The following PRKN variants were observed in gnomAD, a reference collection of about 807,000 sequenced individuals.
PRKN encodes parkin RBR E3 ubiquitin protein ligase, also known as E3 ubiquitin-protein ligase parkin.
A neutral mutation model predicts 59.5 loss-of-function variants in PRKN; 56 were observed. The ratio of observed to expected loss-of-function variants is 0.94; its 90% CI spans 0.76 to 1.18. The LOEUF (loss-of-function observed/expected upper bound fraction) is 1.18, where lower values mean the gene tolerates loss of function less well. Ranked by LOEUF, PRKN falls within the 50% of genes most tolerant of loss-of-function variation. The pLI, the probability that PRKN is intolerant of heterozygous loss-of-function variation, is 0.00. For missense variants in PRKN, 657 were observed against 596.4 expected (o/e 1.10, Z -1.06); for synonymous variants, 250 against 222.1 (o/e 1.13, Z -1.12).
At chr6:162,226,097 T>TAAAA (rs57963776) in intron 3 of PRKN, among the ~76,000 whole-genome samples, 1 of 60,646 alleles carries the variant, frequency 1.6e-5, no homozygotes, top group Admixed American at 1.5e-4. Context: ...ATAATAATAA[T>TAAAA]AAAATTAGAT....
intron 9 of PRKN, among the ~76,000 whole-genome samples, chr6:161,511,171 T>A (rs1654001345): frequency 6.6e-6 from 1 of 152,192 alleles, no homozygotes; most frequent in Admixed American, 6.5e-5. Flanking sequence ...TGGAGATTTT[T>A]AAAAATAGAC....
chr6:162,293,183 T>G (rs1781519209), intron 2 of PRKN, among the ~76,000 whole-genome samples: 1 of 152,082 alleles, frequency 6.6e-6, no homozygotes, highest in South Asian at 2.1e-4. Flanking sequence ...TAGAGGCCAA[T>G]AAGACAGAAG....
At chr6:162,314,191 CA>C (rs1782651963) in intron 2 of PRKN, among the ~76,000 whole-genome samples, 1 of 152,076 alleles carries the variant, frequency 6.6e-6, no homozygotes, top group Non-Finnish European at 1.5e-5. Flanking sequence ...TTAGTAATCC[CA>C]TGTTCTGGGT....
At chr6:161,814,664 A>G (rs1184163798) in intron 6 of PRKN, among the ~76,000 whole-genome samples, 4 of 152,084 alleles carry the variant, frequency 2.6e-5, no homozygotes, top group South Asian at 2.1e-4. Context: ...CACCACGCCC[A>G]GCTAATTTTG....
At chr6:161,811,852 G>A (rs1187604936) in intron 6 of PRKN, among the ~76,000 whole-genome samples, 1 of 151,876 alleles carries the variant, frequency 6.6e-6, no homozygotes, top group African/African-American at 2.4e-5. Flanking sequence ...AACCTGGGAG[G>A]TGGAGGTTGC....
At chr6:162,571,893 C>T (rs1218832497) in intron 1 of PRKN, among the ~76,000 whole-genome samples, 1 of 152,032 alleles carries the variant, frequency 6.6e-6, no homozygotes, top group East Asian at 1.9e-4. Context: ...GACTCATTGC[C>T]CTGTCATGTT....
chr6:161,877,452 C>T (rs1333677288), intron 6 of PRKN, among the ~76,000 whole-genome samples: 1 of 149,512 alleles, frequency 6.7e-6, no homozygotes, highest in East Asian at 1.9e-4. Context: ...AATATGGAAA[C>T]ATATTTGCAT....
intron 4 of PRKN, among the ~76,000 whole-genome samples, chr6:162,068,230 T>C (rs952846907): frequency 1.3e-5 from 2 of 151,178 alleles, no homozygotes; most frequent in African/African-American, 4.9e-5. Context: ...CTGAGTTTTG[T>C]AGGTGTTTTT....
At chr6:162,507,825 C>G (rs1170551942) in intron 1 of PRKN, among the ~76,000 whole-genome samples, 3 of 152,272 alleles carry the variant, frequency 2.0e-5, no homozygotes, top group East Asian at 3.9e-4. Context: ...CTGCACAGAT[C>G]CGACATGCTG....
chr6:161,425,012 A>G (rs1788266552), intron 9 of PRKN, among the ~76,000 whole-genome samples: 2 of 152,180 alleles, frequency 1.3e-5, no homozygotes, highest in African/African-American at 4.8e-5. Flanking sequence ...GCCCACATTA[A>G]GTAAGTGATG....
chr6:162,471,583 T>C (rs1277167693), intron 1 of PRKN, among the ~76,000 whole-genome samples: 1 of 152,202 alleles, frequency 6.6e-6, no homozygotes, highest in East Asian at 1.9e-4. Flanking sequence ...TAATAAAATA[T>C]ATTTTGCCAT....
chr6:162,581,083 C>T (rs895825137), intron 1 of PRKN, among the ~76,000 whole-genome samples: 1 of 152,078 alleles, frequency 6.6e-6, no homozygotes. Context: ...GAGGGTGTCA[C>T]CACTAAGTTA....
At chr6:162,193,109 C>T (rs2128327446) in intron 4 of PRKN, among the ~76,000 whole-genome samples, 1 of 152,270 alleles carries the variant, frequency 6.6e-6, no homozygotes, top group East Asian at 1.9e-4. Context: ...CTACTGTGGG[C>T]TGGATGAAAA....
intron 7 of PRKN, among the ~76,000 whole-genome samples, chr6:161,618,998 T>C (rs1392471301): frequency 6.6e-6 from 1 of 152,124 alleles, no homozygotes; most frequent in East Asian, 1.9e-4. Context: ...TGAGCCACAG[T>C]AGCAGCAGTT....
Position 162,450,606 on chromosome 6 carries a change from T to C in PRKN, c.8-7133A>G, listed in dbSNP as rs151246903. Reference sequence around the variant, plus strand: ...AATGGGCAATTTATCTCTGTGGGCTTTCTCTCAAAAACACATAAGCCCAGT... The same window carrying C: ...AATGGGCAATTTATCTCTGTGGGCTCTCTCTCAAAAACACATAAGCCCAGT... On this transcript the variant is annotated intron_variant, in intron 1 of 11. Coordinates refer to ENST00000366898, the MANE Select transcript of PRKN (RefSeq NM_004562.3). 1.2e-4 allele frequency among the ~76,000 whole-genome samples: 19 copies of C among 152,282 alleles called. No individual in the cohort carries two copies. In the East Asian group the frequency reaches 3.7e-3, roughly 29 times the overall value.
At chr6:161,478,422 C>T (rs116074204) in intron 9 of PRKN, among the ~76,000 whole-genome samples, 31,030 of 152,100 alleles carry the variant, frequency 0.2, 3,658 homozygotes, top group African/African-American at 0.33. Context: ...ATAGGACATA[C>T]AGTAAAATAA....
At chr6:162,426,156 TGAAA>T (rs1789228657) in intron 2 of PRKN, among the ~76,000 whole-genome samples, 1 of 152,208 alleles carries the variant, frequency 6.6e-6, no homozygotes, top group Non-Finnish European at 1.5e-5. Context: ...GTGGGTGATG[TGAAA>T]TGCCTTGTCA....
chr6:161,831,471 A>G (rs1792496099), intron 6 of PRKN, among the ~76,000 whole-genome samples: 1 of 152,212 alleles, frequency 6.6e-6, no homozygotes, highest in South Asian at 2.1e-4. Flanking sequence ...CACCTTGACA[A>G]GTCAACTGAC....
chr6:161,871,037 G>A (rs11968099), intron 6 of PRKN, among the ~76,000 whole-genome samples: 2,760 of 151,956 alleles, frequency 0.018, 88 homozygotes, highest in African/African-American at 0.062. Context: ...AGAGGAGAGA[G>A]GAGGAGGAGG....
Sources: gnomAD v4.1 joint callset for allele counts (sites outside exome capture counted in the v4.1 genomes callset) on GRCh38, gnomAD v4.1.1 for gene constraint, MANE v1.5 for transcripts, NCBI Gene and HGNC (gene_info 2026-07-23, HGNC 2026-07-21) for gene names.